SIPA1L3: variants seen among roughly 807,000 people sequenced by gnomAD.
The protein encoded by SIPA1L3 is signal induced proliferation associated 1 like 3.
A neutral mutation model predicts 150.1 loss-of-function variants in SIPA1L3; 59 were observed. The ratio of observed to expected loss-of-function variants is 0.39; its 90% CI spans 0.32 to 0.49. SIPA1L3 has a LOEUF of 0.49. Ranked by LOEUF, SIPA1L3 falls within the 20% of genes least tolerant of loss-of-function variation. SIPA1L3 has a pLI of 0.86. For synonymous variants in SIPA1L3, 1,070 were observed against 1,077.6 expected, an observed-to-expected ratio of 0.99 and a Z score of 0.14; for missense variants, 2,211 against 2,489.5, an observed-to-expected ratio of 0.89 and a Z score of 2.38.
chr19:37,987,015 C>T (rs1423134103), intron 1 of SIPA1L3, among the ~76,000 whole-genome samples: 3 of 152,068 alleles, frequency 2.0e-5, no homozygotes, highest in Admixed American at 2.0e-4. Context: ...GCAACCTTTG[C>T]CTCCCAGGTT....
At chr19:37,952,495 A>T (rs2046773754) in intron 1 of SIPA1L3, among the ~76,000 whole-genome samples, 1 of 151,974 alleles carries the variant, frequency 6.6e-6, no homozygotes. Context: ...CAACATGGTG[A>T]AACCCTGTCT....
chr19:38,085,987 C>G (rs944401712), intron 3 of SIPA1L3, among the ~76,000 whole-genome samples: 1 of 151,972 alleles, frequency 6.6e-6, no homozygotes, highest in Non-Finnish European at 1.5e-5. Flanking sequence ...CAGAGTGAGA[C>G]TCTGTCCCCT....
intron 2 of SIPA1L3, among the ~76,000 whole-genome samples, chr19:38,053,360 G>T (rs140781123): frequency 6.6e-6 from 1 of 152,218 alleles, no homozygotes; most frequent in Non-Finnish European, 1.5e-5. Context: ...ATAATCCTGT[G>T]AGGTAGGTAT....
chr19:38,136,786 G>C (rs376788673), intron 10 of SIPA1L3, among the ~76,000 whole-genome samples: 1 of 152,150 alleles, frequency 6.6e-6, no homozygotes, highest in African/African-American at 2.4e-5. Flanking sequence ...TGATAATTTC[G>C]ATGATGATCA....
At chr19:38,037,757 A>G (rs1968823973) in intron 2 of SIPA1L3, among the ~76,000 whole-genome samples, 1 of 152,174 alleles carries the variant, frequency 6.6e-6, no homozygotes, top group South Asian at 2.1e-4. Flanking sequence ...TAAATAGAGT[A>G]AAACAATAAG....
At chr19:38,039,289 C>T (rs1033357942) in intron 2 of SIPA1L3, among the ~76,000 whole-genome samples, 2 of 150,632 alleles carry the variant, frequency 1.3e-5, no homozygotes, top group Non-Finnish European at 2.9e-5. Flanking sequence ...GTGTGTCTTC[C>T]AGATTTTTTT....
intron 10 of SIPA1L3, among the ~76,000 whole-genome samples, chr19:38,131,320 G>A (rs1971301226): frequency 6.6e-6 from 1 of 152,360 alleles, no homozygotes; most frequent in Non-Finnish European, 1.5e-5. Flanking sequence ...CTGCTTACAA[G>A]GCGGGCAGAG....
intron 1 of SIPA1L3, among the ~76,000 whole-genome samples, chr19:38,025,805 C>G (rs942706726): frequency 6.6e-6 from 1 of 152,158 alleles, no homozygotes; most frequent in African/African-American, 2.4e-5. Flanking sequence ...CCTGCCCTGC[C>G]AAGCATCTTG....
intron 1 of SIPA1L3, among the ~76,000 whole-genome samples, chr19:37,995,386 G>C (rs1213956820): frequency 6.6e-6 from 1 of 152,186 alleles, no homozygotes; most frequent in Non-Finnish European, 1.5e-5. Context: ...CTCATACAGC[G>C]TGGAGGGACA....
In SIPA1L3 at chr19:37,995,507, A is replaced by C. The variant is rs570837082; in HGVS notation, c.-378-33582A>C. 4.6e-5 allele frequency among the ~76,000 whole-genome samples: 7 copies of C among 152,160 alleles called. No homozygotes were observed. The South Asian group carries it at 1.4e-3, about 31-fold the overall frequency. On this transcript the variant is annotated intron_variant, in intron 1 of 21. Coordinates refer to ENST00000222345, the MANE Select transcript of SIPA1L3 (RefSeq NM_015073.3). ...CCGGCCATAATGCAGCGTGGTGAGT[A>C]GATGAGCTGCAAGTGCGGGGGAACA...
rs113201136 is a variant in SIPA1L3 at position 38,051,432 on chromosome 19, A to G, written c.-311+22276A>G. 6.5e-3 allele frequency among the ~76,000 whole-genome samples: 984 copies of G among 152,258 alleles called. 11 individuals are homozygous for G. Among genetic ancestry groups the G allele is most frequent in the African/African-American group, 0.022 (934 of 41,556 alleles). On this transcript the variant is annotated intron_variant, in intron 2 of 21. Coordinates refer to ENST00000222345, the MANE Select transcript of SIPA1L3 (RefSeq NM_015073.3). ...CCAAGAAGCTCTGGGTTCTTGAGCC[A>G]GTGTTTTTACTGGAGCCAGAATTGC...
intron 1 of SIPA1L3, among the ~76,000 whole-genome samples, chr19:37,972,436 C>T (rs1966966195): frequency 6.6e-6 from 1 of 152,120 alleles, no homozygotes; most frequent in African/African-American, 2.4e-5. Flanking sequence ...GGTGTGGTGG[C>T]TCATGCCTGT....
intron 4 of SIPA1L3, among the ~76,000 whole-genome samples, chr19:38,089,405 T>G (rs1461027724): frequency 6.6e-6 from 1 of 152,020 alleles, no homozygotes; most frequent in Non-Finnish European, 1.5e-5. Context: ...AGACCAAGAT[T>G]TCAGTCCAGG....
chr19:38,173,759 G>A (rs1439075891), intron 15 of SIPA1L3: 1 of 152,490 alleles, frequency 6.6e-6, no homozygotes, highest in African/African-American at 2.4e-5. Context: ...AGACCTCCTC[G>A]GAGAGTCACA....
chr19:38,009,633 C>T (rs984802057), intron 1 of SIPA1L3, among the ~76,000 whole-genome samples: 2 of 152,116 alleles, frequency 1.3e-5, no homozygotes, highest in East Asian at 1.9e-4. Flanking sequence ...TTACTCCTCC[C>T]ACCATGTTAC....
intron 9 of SIPA1L3, among the ~76,000 whole-genome samples, chr19:38,126,684 G>A (rs1050131765): frequency 1.3e-5 from 2 of 151,792 alleles, no homozygotes; most frequent in African/African-American, 4.8e-5. Context: ...TTACAGATGT[G>A]CACCACCATG....
At chr19:38,184,215 G>A (rs539539175) in intron 16 of SIPA1L3, among the ~76,000 whole-genome samples, 1 of 150,672 alleles carries the variant, frequency 6.6e-6, no homozygotes, top group South Asian at 2.1e-4. Context: ...TTTCATTCTT[G>A]TTGCCCAGGC....
intron 21 of SIPA1L3, among the ~76,000 whole-genome samples, chr19:38,205,449 C>A (rs1446987969): frequency 6.9e-6 from 1 of 145,310 alleles, no homozygotes; most frequent in Admixed American, 6.8e-5. Flanking sequence ...AAGAGCAAAA[C>A]CCAGTCTCAA....
chr19:38,178,620 C>T (rs535326186), intron 15 of SIPA1L3, among the ~76,000 whole-genome samples: 3 of 152,190 alleles, frequency 2.0e-5, no homozygotes, highest in South Asian at 2.1e-4. Context: ...GGACTACAGG[C>T]GCCCACCACC....
Sources: gnomAD v4.1 joint callset for allele counts (sites outside exome capture counted in the v4.1 genomes callset) on GRCh38, gnomAD v4.1.1 for gene constraint, MANE v1.5 for transcripts, NCBI Gene and HGNC (gene_info 2026-07-23, HGNC 2026-07-21) for gene names.